CFAP54: variants seen among roughly 807,000 people sequenced by gnomAD.
The protein encoded by CFAP54 is cilia and flagella associated protein 54.
Under a neutral mutation model 370.4 loss-of-function variants are expected in CFAP54, and 290 were observed. The observed-to-expected ratio is 0.78, with a 90% CI of 0.71 to 0.86. The LOEUF is 0.86. Ranked by LOEUF, CFAP54 falls within the 40% of genes least tolerant of loss-of-function variation. The pLI is 0.00. For synonymous variants in CFAP54, 1,206 were observed against 1,236.5 expected (o/e 0.98, Z 0.52); for missense variants, 3,399 against 3,528.7 (o/e 0.96, Z 0.93).
At chr12:96,769,827 A>C (rs1251587973) in intron 60 of CFAP54, among the ~76,000 whole-genome samples, 2 of 152,180 alleles carry the variant, frequency 1.3e-5, no homozygotes, top group Non-Finnish European at 2.9e-5. Context: ...CACATCCATT[A>C]CCTTACAGTG....
chr12:96,765,348 G>C (rs542191401), intron 60 of CFAP54, 130 bp downstream of exon 60: 104 of 793,554 alleles, frequency 1.3e-4, no homozygotes, highest in African/African-American at 1.1e-3. Context: ...ACTTCCAGGG[G>C]ATCATAGGGG....
chr12:96,518,573 T>C (rs1955266243), intron 5 of CFAP54, among the ~76,000 whole-genome samples: 1 of 152,004 alleles, frequency 6.6e-6, no homozygotes, highest in African/African-American at 2.4e-5. Flanking sequence ...GTAGTTCCAG[T>C]TACTTAGGAG....
chr12:96,676,233 G>A (rs1743742012), intron 39 of CFAP54, among the ~76,000 whole-genome samples: 1 of 152,066 alleles, frequency 6.6e-6, no homozygotes. Flanking sequence ...TTGGTGAGAG[G>A]GATGCTCTGG....
intron 23 of CFAP54, among the ~76,000 whole-genome samples, chr12:96,590,673 T>C (rs1463969221): frequency 6.6e-6 from 1 of 152,152 alleles, no homozygotes; most frequent in Non-Finnish European, 1.5e-5. Context: ...GACTTAGATA[T>C]TATGCGACTT....
At chr12:96,565,572 C>T (rs1955858635) in intron 19 of CFAP54, among the ~76,000 whole-genome samples, 1 of 151,804 alleles carries the variant, frequency 6.6e-6, no homozygotes, top group Non-Finnish European at 1.5e-5. Context: ...GAAAATTTAG[C>T]ATAATAGTAT....
rs745925024 is a variant in CFAP54, at chr12:96,663,903, C to T, written c.5534C>T (p.Thr1845Ile). The T allele has an allele frequency of 1.2e-6, 2 of 1,612,896 alleles. No homozygotes were observed. Among genetic ancestry groups the T allele is most frequent in the Non-Finnish European group, 1.7e-6 (2 of 1,179,410 alleles). The change falls in exon 39 of 68, where the codon ACA becomes ATA. Residue 1845 changes from threonine to isoleucine, a missense_variant. By Grantham distance (89) the Thr-to-Ile change is moderately conservative. Coordinates refer to ENST00000524981, the MANE Select transcript of CFAP54 (RefSeq NM_001306084.2). ...SSTIEATSNC[T>I]DLLKMLISSE... is the part of the protein sequence containing the mutation. ...ACCATTGAAGCAACAAGCAACTGCA[C>T]AGATTTGCTAAAAATGCTTATCTCT...
chr12:96,539,542 G>T (rs1955547853), intron 13 of CFAP54, among the ~76,000 whole-genome samples: 2 of 152,042 alleles, frequency 1.3e-5, no homozygotes, highest in Non-Finnish European at 2.9e-5. Context: ...GGACATGGTG[G>T]TGTGTGCCTG....
chr12:96,652,264 A>G (rs369400093), intron 36 of CFAP54, among the ~76,000 whole-genome samples: 11 of 152,366 alleles, frequency 7.2e-5, no homozygotes, highest in African/African-American at 2.4e-4. Flanking sequence ...AAGCATGGAA[A>G]TAAAATTGAA....
At chr12:96,717,591 C>A (rs1957698604) in intron 48 of CFAP54, among the ~76,000 whole-genome samples, 1 of 152,192 alleles carries the variant, frequency 6.6e-6, no homozygotes, top group Non-Finnish European at 1.5e-5. Context: ...AGACTGTGAT[C>A]TGAATTCTCT....
chr12:96,726,888 T>C (rs1223114803), intron 50 of CFAP54, among the ~76,000 whole-genome samples: 15 of 151,852 alleles, frequency 9.9e-5, no homozygotes, highest in Admixed American at 3.3e-4. Context: ...TTTGTTCTCA[T>C]TGGTTTCAAA....
rs193185642 is a variant in CFAP54, at chr12:96,519,006, C to T, written c.877C>T (p.Arg293Cys). Reference sequence around the variant, plus strand: ...CCTGTCACTCAGGTACTTGACATGGCGCGCTACTCTCTACACAGCTGTTTG... The same window carrying T: ...CCTGTCACTCAGGTACTTGACATGGTGCGCTACTCTCTACACAGCTGTTTG... ...PLLSLRYLTWRATLYTAVCQC... is the reference protein window; with the variant it reads ...PLLSLRYLTWCATLYTAVCQC... The change falls in exon 6 of 68, where the codon CGC (arginine) becomes TGC (cysteine). Residue 293 changes from arginine (R) to cysteine (C), a missense_variant. Physicochemically the swap from Arg to Cys is radical, Grantham distance 180. Transcript: ENST00000524981. The T allele has an allele frequency of 3.3e-4, 503 of 1,535,928 alleles. 3 individuals are homozygous for T. The South Asian group carries it at 4.2e-3, about 13-fold the overall frequency.
At chr12:96,698,719 A>G (rs1371937427) in intron 45 of CFAP54, among the ~76,000 whole-genome samples, 1 of 152,156 alleles carries the variant, frequency 6.6e-6, no homozygotes, top group Non-Finnish European at 1.5e-5. Context: ...AAAAATAACA[A>G]TTGGGTACTA....
chr12:96,752,009 T>C (rs954034365), intron 55 of CFAP54, among the ~76,000 whole-genome samples: 18 of 151,490 alleles, frequency 1.2e-4, no homozygotes, highest in Non-Finnish European at 2.5e-4. Context: ...GTATTCACTT[T>C]GTCATCTCCG....
At chr12:96,744,469 T>A (rs1958089022) in intron 55 of CFAP54, among the ~76,000 whole-genome samples, 1 of 152,202 alleles carries the variant, frequency 6.6e-6, no homozygotes, top group Admixed American at 6.5e-5. Context: ...AAAATTACCA[T>A]GCAATTCAGT....
At chr12:96,820,466 C>G (rs1335861313) in intron 65 of CFAP54, among the ~76,000 whole-genome samples, 3 of 152,124 alleles carry the variant, frequency 2.0e-5, no homozygotes, top group Non-Finnish European at 4.4e-5. Context: ...GTAAAAGCAG[C>G]AAGCCTAACC....
chr12:96,606,367 A>G (rs550134834), intron 26 of CFAP54, among the ~76,000 whole-genome samples: 1 of 152,300 alleles, frequency 6.6e-6, no homozygotes, highest in South Asian at 2.1e-4. Flanking sequence ...TGTTGACTTG[A>G]GAGTTATTGT....
chr12:96,543,252 A>G (rs566269388), intron 14 of CFAP54, among the ~76,000 whole-genome samples: 16 of 152,322 alleles, frequency 1.1e-4, no homozygotes, highest in African/African-American at 3.8e-4. Flanking sequence ...TGAGTGAAGT[A>G]GTTTATTTGG....
At chr12:96,633,504 G>A (rs815903) in intron 32 of CFAP54, among the ~76,000 whole-genome samples, 22,283 of 152,168 alleles carry the variant, frequency 0.15, 2,121 homozygotes, top group East Asian at 0.44. Flanking sequence ...TATATTCTAT[G>A]CAATCTGTAG....
chr12:96,779,729 T>A (rs545539594), intron 60 of CFAP54, among the ~76,000 whole-genome samples: 1 of 151,128 alleles, frequency 6.6e-6, no homozygotes, highest in Non-Finnish European at 1.5e-5. Context: ...TTATAAAGAC[T>A]ACAGTGGTTT....
Sources: gnomAD v4.1 joint callset for allele counts (sites outside exome capture counted in the v4.1 genomes callset) on GRCh38, gnomAD v4.1.1 for gene constraint, MANE v1.5 for transcripts, NCBI Gene and HGNC (gene_info 2026-07-23, HGNC 2026-07-21) for gene names.